Variants in PARD3B observed in about 807,000 individuals in gnomAD.
PARD3B encodes the protein par-3 family cell polarity regulator beta, also known as partitioning defective 3 homolog B.
PARD3B carries 103 observed loss-of-function variants against 130.2 expected under a neutral mutation model. The ratio of observed to expected loss-of-function variants is 0.79; its 90% confidence interval spans 0.67 to 0.93. PARD3B has a LOEUF of 0.93. Ranked by LOEUF, PARD3B falls within the 40% of genes least tolerant of loss-of-function variation. PARD3B has a pLI of 0.00. For synonymous variants in PARD3B, 583 were observed against 553.2 expected, an observed-to-expected ratio of 1.05 and a Z score of -0.76; for missense variants, 1,609 against 1,499.2, an observed-to-expected ratio of 1.07 and a Z score of -1.21.
rs555236591 is a variant in PARD3B, at chr2:205,218,387, TAATA to T, written c.2140+25071_2140+25074del. The stretch of plus-strand genomic sequence containing the variant: ...ATGAACATAAATCCAAGTGTGAAAT[TAATA>T]AATGTTTATCCCTGAAATGGAAGCT... On this transcript the variant is annotated intron_variant, in intron 15 of 22. Transcript: ENST00000406610. Among the ~76,000 whole-genome samples, 242 of 152,304 alleles carry T rather than the reference TAATA, an allele frequency of 1.6e-3. 1 individual carries two copies. Among genetic ancestry groups the T allele is most frequent in the African/African-American group, 5.6e-3 (233 of 41,562 alleles).
intron 2 of PARD3B, among the ~76,000 whole-genome samples, chr2:204,935,578 A>G (rs1337665447): frequency 2.6e-5 from 4 of 151,372 alleles, no homozygotes; most frequent in Non-Finnish European, 5.9e-5. Context: ...ATATATATTT[A>G]TATAGTACAT....
chr2:205,569,038 A>G (rs2053465595), intron 22 of PARD3B, among the ~76,000 whole-genome samples: 1 of 152,192 alleles, frequency 6.6e-6, no homozygotes, highest in South Asian at 2.1e-4. Flanking sequence ...CCCCACCAGC[A>G]CTGACTATAA....
rs1055694342 is a variant in PARD3B, at chr2:205,268,187, C to T, written c.2185+22365C>T. Among the ~76,000 whole-genome samples the T allele has an allele frequency of 1.3e-5, 2 of 152,208 alleles. No homozygotes were observed. Among genetic ancestry groups the T allele is most frequent in the African/African-American group, 2.4e-5 (1 of 41,462 alleles). ...TAATACCAAGCCCAAGAAGGAACTG[C>T]TGATCATCAGGGATCTGATCACAAA... On this transcript the variant is annotated intron_variant, in intron 16 of 22. Transcript: ENST00000406610. The surrounding 1 kb of genome is among the most constrained non-coding windows in gnomAD (Gnocchi z 4.1).
chr2:204,618,374 C>G (rs10490268), intron 1 of PARD3B, among the ~76,000 whole-genome samples: 108,311 of 151,962 alleles, frequency 0.71, 39,388 homozygotes, highest in Middle Eastern at 0.79. Flanking sequence ...CTAGTAATTT[C>G]AGTCTCAGCT....
chr2:204,746,521 G>A (rs1415963442), intron 2 of PARD3B, among the ~76,000 whole-genome samples: 1 of 151,914 alleles, frequency 6.6e-6, no homozygotes, highest in African/African-American at 2.4e-5. Context: ...TGGGTCAAAT[G>A]GTATTTCTAG....
chr2:205,586,980 C>T (rs1295206039), intron 22 of PARD3B, among the ~76,000 whole-genome samples: 1 of 152,140 alleles, frequency 6.6e-6, no homozygotes, highest in Non-Finnish European at 1.5e-5. Flanking sequence ...GTGAATTTCT[C>T]GAGTCTTTCT....
At chr2:205,390,502 A>G (rs1344820267) in intron 18 of PARD3B, among the ~76,000 whole-genome samples, 4 of 152,236 alleles carry the variant, frequency 2.6e-5, no homozygotes, top group African/African-American at 9.6e-5. Flanking sequence ...TATGCTAGAG[A>G]AAAGATGCGA....
intron 1 of PARD3B, among the ~76,000 whole-genome samples, chr2:204,563,257 C>CTCTCTCTCTCTCTT (rs1553542030): frequency 6.0e-4 from 86 of 142,756 alleles, no homozygotes; most frequent in African/African-American, 2.2e-3. Context: ...CTCTCTCTCT[C>CTCTCTCTCTCTCTT]TCTCTCTCTT....
intron 1 of PARD3B, among the ~76,000 whole-genome samples, chr2:204,646,497 A>G (rs2035278708): frequency 6.6e-6 from 1 of 151,976 alleles, no homozygotes; most frequent in South Asian, 2.1e-4. Context: ...ATTCCCTCAT[A>G]TTAATATATT....
At chr2:205,368,011 A>G (rs1273038442) in intron 18 of PARD3B, among the ~76,000 whole-genome samples, 4 of 152,212 alleles carry the variant, frequency 2.6e-5, no homozygotes, top group African/African-American at 9.6e-5. Context: ...AAAAATGGGG[A>G]AGCAACCTAA....
chr2:204,891,420 CTG>C (rs775771628), intron 2 of PARD3B, among the ~76,000 whole-genome samples: 107 of 152,096 alleles, frequency 7.0e-4, no homozygotes, highest in Non-Finnish European at 1.2e-3. Context: ...TGCAAGGTCT[CTG>C]TATTGAAGAC....
intron 2 of PARD3B, among the ~76,000 whole-genome samples, chr2:204,940,559 C>CA (rs372484310): frequency 1.3e-5 from 2 of 148,504 alleles, no homozygotes; most frequent in Non-Finnish European, 3.0e-5. Context: ...AATATCATTA[C>CA]AAAAAAAATT....
intron 2 of PARD3B, among the ~76,000 whole-genome samples, chr2:204,856,500 T>TTC (rs1287652821): frequency 3.3e-5 from 5 of 152,194 alleles, no homozygotes; most frequent in African/African-American, 1.2e-4. Context: ...ATCTTCACTC[T>TTC]GTTAACTGTT....
At chr2:205,358,294 C>T (rs969119395) in intron 18 of PARD3B, among the ~76,000 whole-genome samples, 1 of 152,212 alleles carries the variant, frequency 6.6e-6, no homozygotes, top group Non-Finnish European at 1.5e-5. Context: ...AAGATCCCCA[C>T]AGAAGTTCTG....
In PARD3B at chr2:205,530,282, A is replaced by G. The variant is rs187285731; in HGVS notation, c.3181-23042A>G. 3.3e-4 allele frequency among the ~76,000 whole-genome samples: 51 copies of G among 152,244 alleles called. No homozygotes were observed. Among genetic ancestry groups the G allele is most frequent in the Non-Finnish European group, 1.5e-5 (1 of 68,012 alleles). ...TGAGACCTGTCTTTTGCTACCCACTACCACCCACAACAGGGTTAAACAAGA... is the reference window on the plus strand; with the variant it reads ...TGAGACCTGTCTTTTGCTACCCACTGCCACCCACAACAGGGTTAAACAAGA... On this transcript the variant is annotated intron_variant, in intron 21 of 22. Coordinates refer to ENST00000406610, the MANE Select transcript of PARD3B (RefSeq NM_001302769.2). The surrounding 1 kb of genome is among the most constrained non-coding windows in gnomAD (Gnocchi z 4.7).
intron 4 of PARD3B, among the ~76,000 whole-genome samples, chr2:205,063,097 T>A (rs1404181528): frequency 6.6e-6 from 1 of 152,060 alleles, no homozygotes; most frequent in African/African-American, 2.4e-5. Context: ...ATTATCTCTG[T>A]ATATTTGGGA....
chr2:205,583,377 C>CTGTG (rs139162850), intron 22 of PARD3B, among the ~76,000 whole-genome samples: 5,384 of 150,434 alleles, frequency 0.036, 236 homozygotes, highest in African/African-American at 0.098. Flanking sequence ...CTCCTAAGCT[C>CTGTG]TGTGTGTGTG....
intron 2 of PARD3B, among the ~76,000 whole-genome samples, chr2:204,700,425 G>C (rs930535154): frequency 6.6e-6 from 1 of 152,066 alleles, no homozygotes; most frequent in African/African-American, 2.4e-5. Context: ...TTGGTCAGTA[G>C]CACACCTTAT....
At position 205,436,139 on chromosome 2, in the gene PARD3B, A is replaced by T. The variant is rs181191677; in HGVS notation, c.2742-4231A>T. On this transcript the variant is annotated intron_variant, in intron 19 of 22. Transcript: ENST00000406610. ...AGAGGGACCTTAGCTAGTGCTCTGT[A>T]GCCCATTTATAAGATGTTAATCTTT... Among the ~76,000 whole-genome samples the T allele has an allele frequency of 3.8e-3, 575 of 152,332 alleles. 1 individual carries two copies. The highest frequency in any genetic ancestry group is 6.7e-3 in the Non-Finnish European group (459 of 68,036).
Sources: gnomAD v4.1 joint callset for allele counts (sites outside exome capture counted in the v4.1 genomes callset) on GRCh38, gnomAD v4.1.1 for gene constraint, Gnocchi (gnomAD v3.1) non-coding constraint, MANE v1.5 for transcripts, NCBI Gene and HGNC (gene_info 2026-07-23, HGNC 2026-07-21) for gene names.